SRPK2: variants seen among roughly 807,000 people sequenced by gnomAD.
SRPK2 encodes SRSF protein kinase 2.
SRPK2 carries 21 observed loss-of-function variants against 90.8 expected under a neutral mutation model. The observed-to-expected ratio is 0.23, with a 90% CI of 0.16 to 0.33. The LOEUF is 0.33. Among genes scored for constraint, SRPK2 ranks in the 10% least tolerant of loss-of-function variants. SRPK2 has a pLI of 1.00. For synonymous variants in SRPK2, 288 were observed against 311.1 expected (o/e 0.93, Z 0.78); for missense variants, 620 against 869.0 (o/e 0.71, Z 3.60).
chr7:105,126,973 CA>C lies in SRPK2; in HGVS notation c.1822+19del, dbSNP rs755604001. 5.0e-6 allele frequency: 8 copies of C among 1,613,428 alleles called. No individual in the cohort carries two copies. In the Admixed American group the frequency reaches 8.3e-5, roughly 17 times the overall value. On this transcript the variant is annotated intron_variant, in intron 14 of 15. Coordinates refer to ENST00000393651, the MANE Select transcript of SRPK2 (RefSeq NM_182692.3). ...GGCAGAAGACCTAGACCGAGGTATT[CA>C]GCAGGCACCAATACTCACCTTCGTC... is the stretch of plus-strand genomic sequence containing the variant.
At chr7:105,378,106 T>C (rs1418817826) in intron 2 of SRPK2, among the ~76,000 whole-genome samples, 1 of 152,044 alleles carries the variant, frequency 6.6e-6, no homozygotes, top group African/African-American at 2.4e-5. Context: ...CTAACCTGCT[T>C]GACATTCCAA....
chr7:105,218,103 T>G (rs1005802112), intron 2 of SRPK2, among the ~76,000 whole-genome samples: 2 of 152,144 alleles, frequency 1.3e-5, no homozygotes, highest in South Asian at 4.1e-4. Context: ...GGAGAAGGTA[T>G]GGCAGCAAGA....
upstream of SRPK2, among the ~76,000 whole-genome samples, chr7:105,392,360 C>T (rs1423249347): frequency 1.3e-5 from 2 of 152,168 alleles, no homozygotes; most frequent in African/African-American, 2.4e-5. Flanking sequence ...ATGTGAATTT[C>T]ACTTCAAAAC....
chr7:105,169,293 A>T, intron 3 of SRPK2, 28 bp from the exon 4 acceptor site: 1 of 1,550,788 alleles, frequency 6.4e-7, no homozygotes, highest in Non-Finnish European at 8.9e-7. Context: ...AAAGAAAAAA[A>T]TTCAAAATAT....
chr7:105,187,105 G>C (rs896392819), intron 3 of SRPK2, among the ~76,000 whole-genome samples: 9 of 152,110 alleles, frequency 5.9e-5, no homozygotes, highest in Non-Finnish European at 1.3e-4. Context: ...AATTAAAAAG[G>C]GGTTTAAGGC....
At chr7:105,361,584 G>T (rs544651939) in intron 2 of SRPK2, among the ~76,000 whole-genome samples, 30 of 152,180 alleles carry the variant, frequency 2.0e-4, no homozygotes, top group African/African-American at 6.5e-4. Flanking sequence ...ATACTACAAG[G>T]CTACAGTAAC....
intron 7 of SRPK2, among the ~76,000 whole-genome samples, chr7:105,152,119 CA>C (rs1032392997): frequency 1.3e-5 from 2 of 151,716 alleles, no homozygotes; most frequent in African/African-American, 2.4e-5. Flanking sequence ...ATCCCAGCAA[CA>C]AAACTTTGAT....
At chr7:105,142,951 C>G (rs1182916546) in intron 10 of SRPK2, 133 bp downstream of exon 10, 4 of 1,196,796 alleles carry the variant, frequency 3.3e-6, no homozygotes, top group Admixed American at 2.5e-5. Flanking sequence ...CCATATTTCC[C>G]AATAGGGAGT....
chr7:105,340,562 C>T (rs1401199650), intron 2 of SRPK2, among the ~76,000 whole-genome samples: 6 of 152,016 alleles, frequency 3.9e-5, no homozygotes, highest in Admixed American at 6.6e-5. Context: ...CTAGCACACA[C>T]CACCACGCCC....
At chr7:105,234,461 A>G (rs1025078274) in intron 2 of SRPK2, among the ~76,000 whole-genome samples, 1 of 152,190 alleles carries the variant, frequency 6.6e-6, no homozygotes, top group African/African-American at 2.4e-5. Context: ...AAATACCATG[A>G]AGACAAAATT....
At chr7:105,226,299 T>C (rs1320669299) in intron 2 of SRPK2, among the ~76,000 whole-genome samples, 1 of 152,152 alleles carries the variant, frequency 6.6e-6, no homozygotes, top group Non-Finnish European at 1.5e-5. Flanking sequence ...GAAATAATTT[T>C]TTTTTTAACA....
At chr7:105,236,546 T>G (rs1439343048) in intron 2 of SRPK2, among the ~76,000 whole-genome samples, 1 of 152,150 alleles carries the variant, frequency 6.6e-6, no homozygotes, top group Non-Finnish European at 1.5e-5. Context: ...TTATTCCCGT[T>G]TTACAGATGA....
At chr7:105,368,501 T>C (rs908993275) in intron 2 of SRPK2, among the ~76,000 whole-genome samples, 1 of 152,162 alleles carries the variant, frequency 6.6e-6, no homozygotes, top group African/African-American at 2.4e-5. Flanking sequence ...AGCTTAATGG[T>C]AGTACAAAAG....
At chr7:105,302,222 G>GT (rs1396355186) in intron 2 of SRPK2, 6 of 727,266 alleles carry the variant, frequency 8.3e-6, no homozygotes, top group African/African-American at 3.6e-5. Flanking sequence ...TAAAAAGGTT[G>GT]TAAGTTGAAA....
chr7:105,140,538 T>C (rs550560236), intron 11 of SRPK2, among the ~76,000 whole-genome samples: 2 of 150,638 alleles, frequency 1.3e-5, no homozygotes, highest in Non-Finnish European at 1.5e-5. Flanking sequence ...GAGGCGGAGG[T>C]TGCAGTGAGC....
At chr7:105,149,482 TC>T (rs1019674659) in intron 7 of SRPK2, among the ~76,000 whole-genome samples, 4 of 142,808 alleles carry the variant, frequency 2.8e-5, no homozygotes, top group Non-Finnish European at 5.9e-5. Flanking sequence ...AAGATAATAA[TC>T]AATAAAAACT....
chr7:105,271,745 C>G (rs1418392195), intron 2 of SRPK2, among the ~76,000 whole-genome samples: 1 of 152,202 alleles, frequency 6.6e-6, no homozygotes, highest in Non-Finnish European at 1.5e-5. Flanking sequence ...TGACCATGCT[C>G]AGGACACTTT....
Position 105,336,584 on chromosome 7 carries a change from T to C in SRPK2, c.71+52064A>G, listed in dbSNP as rs1454636301. ...TTCTCATTACATTTGTTGTTATACG[T>C]CTTAAGTAAATTTTACTCTATAGCA... On this transcript the variant is annotated intron_variant, in intron 2 of 15. Transcript: ENST00000393651. Among the ~76,000 whole-genome samples, 4 of 152,190 alleles carry C rather than the reference T, an allele frequency of 2.6e-5. No homozygotes were observed. The East Asian group carries it at 7.7e-4, about 29-fold the overall frequency.
chr7:105,399,174 A>G (rs1388336573), exon 1 of SRPK2: 1 of 152,220 alleles, frequency 6.6e-6, no homozygotes, highest in Non-Finnish European at 1.5e-5. Context: ...TGGTCCAGCA[A>G]TTTGGGAGCA....
Sources: allele counts gnomAD v4.1 joint callset (sites outside exome capture counted in the v4.1 genomes callset), GRCh38; gene constraint gnomAD v4.1.1; transcripts MANE v1.5; gene names NCBI Gene and HGNC (gene_info 2026-07-23, HGNC 2026-07-21).